Variants in ABCC3 observed in about 807,000 individuals in gnomAD.
ABCC3 encodes ATP binding cassette subfamily C member 3.
In ABCC3, 121 loss-of-function variants were observed where a neutral mutation model predicts 165.3. The ratio of observed to expected loss-of-function variants is 0.73; its 90% CI spans 0.63 to 0.85. ABCC3 has a LOEUF of 0.85. Among genes scored for constraint, ABCC3 ranks in the 40% least tolerant of loss-of-function variants. The pLI is 0.00. For missense variants in ABCC3, 1,869 were observed against 1,964.1 expected, an observed-to-expected ratio of 0.95 and a Z score of 0.92; for synonymous variants, 733 against 810.1, an observed-to-expected ratio of 0.90 and a Z score of 1.62.
chr17:50,691,290 C>A lies in ABCC3; in HGVS notation c.*90C>A. On this transcript the variant is annotated 3_prime_UTR_variant, in exon 31 of 31. Transcript: ENST00000285238. ...TATGTCCGCAGAATGGACTTGATAGCAAACACTGGGGGCACCTTAAGATTT... is the reference window on the plus strand; with the variant it reads ...TATGTCCGCAGAATGGACTTGATAGAAAACACTGGGGGCACCTTAAGATTT... 1 of 1,013,632 alleles carries A rather than the reference C, an allele frequency of 9.9e-7. No homozygotes were observed. Among genetic ancestry groups the A allele is most frequent in the Non-Finnish European group, 1.5e-6 (1 of 654,930 alleles). The allele number at this position is 1,013,632 out of a possible 1,614,324, so 62.8% of individuals were successfully genotyped here. A position where few individuals can be genotyped will look rare whatever the true frequency, so the allele number is the denominator to read the frequency against.
chr17:50,665,683 G>A (rs1181631320), intron 11 of ABCC3, among the ~76,000 whole-genome samples: 2 of 149,918 alleles, frequency 1.3e-5, no homozygotes, highest in Non-Finnish European at 3.0e-5. Context: ...TCGGCTCACT[G>A]CAACCTCTGC....
At chr17:50,684,959 C>T in intron 29 of ABCC3, 84 bp downstream of exon 29, 1 of 1,489,942 alleles carries the variant, frequency 6.7e-7, no homozygotes, top group South Asian at 1.2e-5. Flanking sequence ...ACACCAATGA[C>T]ACAGAGATGA....
rs746306659 is a variant in ABCC3 at position 50,663,624 on chromosome 17, G to A, written c.999-57G>A. ...GCGGGTAAAAGCAAAGGGCAGCAGA[G>A]GAGGGAGCAGCCATGGGGGCAGCAC... On this transcript the variant is annotated intron_variant, in intron 8 of 30. Transcript: ENST00000285238. 3.8e-6 allele frequency: 6 copies of A among 1,580,320 alleles called. No homozygotes were observed. In the Admixed American group the frequency reaches 5.1e-5, roughly 13 times the overall value.
Position 50,667,585 on chromosome 17 carries a change from T to C in ABCC3, c.1463T>C (p.Ile488Thr), listed in dbSNP as rs766880630. The C allele has an allele frequency of 1.2e-6, 2 of 1,611,648 alleles. No homozygotes were observed. The highest frequency in any genetic ancestry group is 8.5e-7 in the Non-Finnish European group (1 of 1,177,852). The change falls in exon 12 of 31, where the codon ATC becomes ACC. Residue 488 changes from isoleucine (I) to threonine (T), a missense_variant. Ile to Thr is a moderately conservative substitution (Grantham distance 89). Coordinates refer to ENST00000285238, the MANE Select transcript of ABCC3 (RefSeq NM_003786.4). ...CAAATGAAATTGAAGGACTCGCGCA[T>C]CAAGCTGATGAGTGAGATCCTGAAC... is the stretch of plus-strand genomic sequence containing the variant. Reference protein sequence around the residue: ...VKQMKLKDSRIKLMSEILNGI... With the variant: ...VKQMKLKDSRTKLMSEILNGI...
chr17:50,658,194 A>G lies in ABCC3; in HGVS notation c.599A>G (p.Lys200Arg). Residue 200 changes from lysine (K) to arginine (R), a missense_variant, in exon 5 of 31, where the codon AAG (lysine) becomes AGG (arginine). Transcript: ENST00000285238. The stretch of plus-strand genomic sequence containing the variant: ...GAGAAACCTCCATTTTTCTCCGCAA[A>G]GAATGTCGACCCTGTGAGTTTCCCA... Reference protein sequence around the residue: ...FREKPPFFSAKNVDPNPYPET... With the variant: ...FREKPPFFSARNVDPNPYPET... 1.2e-6 allele frequency: 2 copies of G among 1,614,178 alleles called. No homozygotes were observed. The highest frequency in any genetic ancestry group is 8.5e-7 in the Non-Finnish European group (1 of 1,180,020).
At chr17:50,689,698 G>A (rs1265700318) in intron 30 of ABCC3, among the ~76,000 whole-genome samples, 4 of 152,140 alleles carry the variant, frequency 2.6e-5, no homozygotes, top group Non-Finnish European at 4.4e-5. Flanking sequence ...CCCTCTGTCT[G>A]TTCCATCCCT....
In ABCC3 at chr17:50,678,163, G is replaced by T; in HGVS notation, c.3649G>T (p.Gly1217Trp). 2 of 1,551,626 alleles carry T rather than the reference G, an allele frequency of 1.3e-6. No individual in the cohort carries two copies. Among genetic ancestry groups the T allele is most frequent in the South Asian group, 1.3e-5 (1 of 79,186 alleles). The change falls in exon 25 of 31, where the codon GGG (glycine) becomes TGG (tryptophan). Residue 1217 changes from glycine (G) to tryptophan (W), a missense_variant. By Grantham distance (184) the Gly-to-Trp change is radical. Coordinates refer to ENST00000285238, the MANE Select transcript of ABCC3 (RefSeq NM_003786.4). ...VLFAALFAVIGRSSLNPGLVG... is the reference protein window; with the variant it reads ...VLFAALFAVIWRSSLNPGLVG... ...CTTTGCTGCACTATTTGCCGTCATCGGGAGGAGCAGCCTGAACCCGGGGCT... is the reference window on the plus strand; with the variant it reads ...CTTTGCTGCACTATTTGCCGTCATCTGGAGGAGCAGCCTGAACCCGGGGCT...
chr17:50,670,241 C>A (rs1483759055), intron 17 of ABCC3, among the ~76,000 whole-genome samples: 1 of 152,104 alleles, frequency 6.6e-6, no homozygotes, highest in East Asian at 1.9e-4. Flanking sequence ...CACCACCACA[C>A]TTGGCTAATT....
intron 1 of ABCC3, among the ~76,000 whole-genome samples, chr17:50,642,292 G>T (rs1966907095): frequency 6.6e-6 from 1 of 152,228 alleles, no homozygotes; most frequent in African/African-American, 2.4e-5. Context: ...AACCAAATAG[G>T]GAGTTAGGGG....
At chr17:50,642,321 G>A (rs1042083384) in intron 1 of ABCC3, among the ~76,000 whole-genome samples, 15 of 152,202 alleles carry the variant, frequency 9.9e-5, no homozygotes, top group African/African-American at 3.6e-4. Context: ...TGTGTGGGCG[G>A]GTACCCCCTG....
intron 25 of ABCC3, among the ~76,000 whole-genome samples, chr17:50,678,469 C>A (rs1001610367): frequency 1.8e-4 from 28 of 152,180 alleles, no homozygotes; most frequent in African/African-American, 6.3e-4. Context: ...AGAAAGAATT[C>A]TGTTGAATAA....
chr17:50,653,318 C>T (rs1416612875), intron 1 of ABCC3, among the ~76,000 whole-genome samples: 3 of 123,944 alleles, frequency 2.4e-5, no homozygotes, highest in South Asian at 2.5e-4. Context: ...TACACTCCAG[C>T]GTGGGGGCCA....
chr17:50,662,831 G>C (rs1238409603), intron 8 of ABCC3, among the ~76,000 whole-genome samples: 1 of 152,174 alleles, frequency 6.6e-6, no homozygotes, highest in South Asian at 2.1e-4. Flanking sequence ...TATGATTATG[G>C]CTGGAGGGCT....
intron 1 of ABCC3, among the ~76,000 whole-genome samples, chr17:50,638,571 C>T (rs1477323310): frequency 1.3e-5 from 2 of 152,198 alleles, no homozygotes; most frequent in Non-Finnish European, 2.9e-5. Flanking sequence ...TTAGTTCCTC[C>T]TCTGAGATTT....
chr17:50,658,239 A>G (rs1198894012), intron 5 of ABCC3, 32 bp downstream of exon 5: 2 of 1,614,120 alleles, frequency 1.2e-6, no homozygotes, highest in African/African-American at 1.3e-5. Context: ...CGGGGGCTCC[A>G]CAGCTGAGTC....
rs775783689 is a variant in ABCC3 at position 50,658,545 on chromosome 17, AG to A, written c.674+51del. On this transcript the variant is annotated intron_variant, in intron 6 of 30. Coordinates refer to ENST00000285238, the MANE Select transcript of ABCC3 (RefSeq NM_003786.4). The stretch of plus-strand genomic sequence containing the variant: ...AGGCCAGAGGGAGGGGAGGGATGGA[AG>A]GTGAGATGGAGAAAGGGGAGCAGGG... 528 of 1,578,886 alleles carry A rather than the reference AG, an allele frequency of 3.3e-4. 1 individual carries two copies. The highest frequency in any genetic ancestry group is 4.4e-4 in the Non-Finnish European group (510 of 1,148,000).
intron 7 of ABCC3, among the ~76,000 whole-genome samples, 192 bp downstream of exon 7, chr17:50,659,560 G>A (rs561076051): frequency 1.4e-4 from 22 of 152,330 alleles, no homozygotes; most frequent in Non-Finnish European, 2.8e-4. Context: ...CCCAGCTCTG[G>A]TGGGGGCAGG....
In ABCC3 at chr17:50,684,009, A is replaced by T; in HGVS notation, c.4015A>T (p.Ile1339Phe). ...KSSMTLCLFR[I>F]LEAAKGEIRI... Reference sequence around the variant, plus strand: ...TTCCATGACCCTTTGCCTGTTCCGCATCCTGGAGGCGGCAAAGGGTGAAAT... The same window carrying T: ...TTCCATGACCCTTTGCCTGTTCCGCTTCCTGGAGGCGGCAAAGGGTGAAAT... The change falls in exon 28 of 31, where the codon ATC becomes TTC. Residue 1339 changes from isoleucine (I) to phenylalanine (F), a missense_variant. Coordinates refer to ENST00000285238, the MANE Select transcript of ABCC3 (RefSeq NM_003786.4). 1 of 1,613,200 alleles carries T rather than the reference A, an allele frequency of 6.2e-7. No homozygotes were observed. Among genetic ancestry groups the T allele is most frequent in the Non-Finnish European group, 8.5e-7 (1 of 1,179,720 alleles).
At chr17:50,639,449 C>G (rs2054207760) in intron 1 of ABCC3, among the ~76,000 whole-genome samples, 1 of 152,170 alleles carries the variant, frequency 6.6e-6, no homozygotes, top group South Asian at 2.1e-4. Flanking sequence ...CCTGTAGTCC[C>G]CAGACAGGGA....
Sources: gnomAD v4.1 joint callset for allele counts (sites outside exome capture counted in the v4.1 genomes callset) on GRCh38, gnomAD v4.1.1 for gene constraint, MANE v1.5 for transcripts, NCBI Gene and HGNC (gene_info 2026-07-23, HGNC 2026-07-21) for gene names.